DTD1: variants seen among roughly 807,000 people sequenced by gnomAD.
DTD1 encodes the protein D-tyrosyl-tRNA deacylase 1 homolog.
Under a neutral mutation model 25.6 loss-of-function variants are expected in DTD1, and 13 were observed. The ratio of observed to expected loss-of-function variants is 0.51; its 90% CI spans 0.33 to 0.81. The LOEUF (loss-of-function observed/expected upper bound fraction) is 0.81. DTD1 is among the 30% of genes least tolerant of loss of function. The probability of loss-of-function intolerance (pLI) is 0.02; values close to 1 mark genes in which losing one functional copy is unlikely to be tolerated. For synonymous variants in DTD1, 110 were observed against 103.6 expected, an observed-to-expected ratio of 1.06 and a Z score of -0.37; for missense variants, 193 against 266.4, an observed-to-expected ratio of 0.72 and a Z score of 1.92.
intron 2 of DTD1, among the ~76,000 whole-genome samples, chr20:18,595,656 A>G (rs2060607964): frequency 6.6e-6 from 1 of 152,212 alleles, no homozygotes; most frequent in Non-Finnish European, 1.5e-5. Context: ...ATGAAAAATT[A>G]CAATTGGACC....
chr20:18,655,063 G>A (rs772930748), intron 4 of DTD1, among the ~76,000 whole-genome samples: 1 of 152,046 alleles, frequency 6.6e-6, no homozygotes, highest in Admixed American at 6.5e-5. Flanking sequence ...GAGTGTTTTT[G>A]GTTATTAGAA....
At chr20:18,725,231 G>T (rs1264525284) in intron 4 of DTD1, among the ~76,000 whole-genome samples, 3 of 152,184 alleles carry the variant, frequency 2.0e-5, no homozygotes, top group Non-Finnish European at 4.4e-5. Flanking sequence ...GGGTCACCAG[G>T]TCATTAGCAT....
chr20:18,745,027 G>T (rs1398739993), intron 5 of DTD1, among the ~76,000 whole-genome samples: 1 of 152,186 alleles, frequency 6.6e-6, no homozygotes, highest in Admixed American at 6.5e-5. Flanking sequence ...GTGATTGCCT[G>T]TGCAGAACAC....
intron 2 of DTD1, 132 bp downstream of exon 2, chr20:18,593,953 T>C (rs1214562415): frequency 4.3e-6 from 3 of 702,226 alleles, no homozygotes; most frequent in Non-Finnish European, 7.7e-6. Context: ...GGATGTAGTA[T>C]GGTTATCTCC....
At position 18,601,023 on chromosome 20, in the gene DTD1, T is replaced by C. The variant is rs537283010; in HGVS notation, c.370+4782T>C. ...ATGTCATCTGCAAACAAAGACAGTT[T>C]TATTTTTCTTTTTATTTCTTGCCTT... On this transcript the variant is annotated intron_variant, in intron 3 of 5. Coordinates refer to ENST00000377452, the MANE Select transcript of DTD1 (RefSeq NM_080820.6). Among the ~76,000 whole-genome samples the C allele has an allele frequency of 7.2e-5, 11 of 152,306 alleles. 1 individual carries two copies. The Middle Eastern group carries it at 0.017, about 235-fold the overall frequency.
intron 4 of DTD1, 91 bp from the exon 5 acceptor site, chr20:18,744,009 A>G (rs573643080): frequency 2.1e-6 from 3 of 1,412,402 alleles, no homozygotes; most frequent in African/African-American, 1.4e-5. Flanking sequence ...AAACTTTTCA[A>G]TGGTTCCCAC....
intron 4 of DTD1, among the ~76,000 whole-genome samples, chr20:18,653,504 C>T (rs146455446): frequency 4.6e-5 from 7 of 152,156 alleles, no homozygotes; most frequent in Middle Eastern, 3.2e-3. Flanking sequence ...AATAAGAATA[C>T]TCTAAAAATT....
intron 4 of DTD1, among the ~76,000 whole-genome samples, chr20:18,655,173 G>T (rs1474736122): frequency 6.6e-6 from 1 of 152,204 alleles, no homozygotes; most frequent in Non-Finnish European, 1.5e-5. Flanking sequence ...AGGAAATGAG[G>T]TCTGGTGGGA....
At chr20:18,612,478 T>G (rs549187308) in intron 3 of DTD1, among the ~76,000 whole-genome samples, 1 of 152,202 alleles carries the variant, frequency 6.6e-6, no homozygotes, top group Non-Finnish European at 1.5e-5. Flanking sequence ...GAGGTGAGTA[T>G]GAGGATTACT....
intron 3 of DTD1, 55 bp from the exon 4 acceptor site, chr20:18,628,072 G>T: frequency 1.4e-6 from 2 of 1,428,804 alleles, no homozygotes; most frequent in South Asian, 1.2e-5. Flanking sequence ...GTGTGCTTTT[G>T]GATGGAGTAA....
In DTD1 at chr20:18,749,712, G is replaced by GTGCA. The variant is rs1204860688; in HGVS notation, c.*19+5442_*19+5445dup. Among the ~76,000 whole-genome samples, 1 of 152,188 alleles carries GTGCA rather than the reference G, an allele frequency of 6.6e-6. No homozygotes were observed. Among genetic ancestry groups the GTGCA allele is most frequent in the South Asian group, 2.1e-4 (1 of 4,830 alleles). ...TCAAGTAGCCCACCGTCCCTCAGTG[G>GTGCA]TGCAGTGTCAGGGCCCAGGTGCTGA... On this transcript the variant is annotated intron_variant, in intron 5 of 5. Transcript: ENST00000377452. The surrounding 1 kb of genome is among the most constrained non-coding windows in gnomAD (Gnocchi z 4.2).
intron 4 of DTD1, among the ~76,000 whole-genome samples, chr20:18,694,748 C>T (rs901520206): frequency 1.3e-5 from 2 of 152,092 alleles, no homozygotes; most frequent in Admixed American, 6.5e-5. Flanking sequence ...TTTTTATATA[C>T]AGGTCACAAA....
chr20:18,684,780 A>G (rs117902634), intron 4 of DTD1, among the ~76,000 whole-genome samples: 157 of 152,310 alleles, frequency 1.0e-3, no homozygotes, highest in South Asian at 3.5e-3. Context: ...TTTTCTTGTT[A>G]TAAGAATGAC....
chr20:18,714,612 C>A (rs2061172898), intron 4 of DTD1, among the ~76,000 whole-genome samples: 1 of 152,198 alleles, frequency 6.6e-6, no homozygotes, highest in African/African-American at 2.4e-5. Context: ...CAGACACTGT[C>A]TCCTGCAGTG....
At chr20:18,659,211 A>G (rs2060900200) in intron 4 of DTD1, among the ~76,000 whole-genome samples, 1 of 152,148 alleles carries the variant, frequency 6.6e-6, no homozygotes, top group African/African-American at 2.4e-5. Context: ...TCTTTCTGGG[A>G]CGTAGTCTGA....
At chr20:18,702,077 G>T (rs1300927243) in intron 4 of DTD1, among the ~76,000 whole-genome samples, 1 of 152,168 alleles carries the variant, frequency 6.6e-6, no homozygotes, top group East Asian at 1.9e-4. Context: ...TATTTAGAGA[G>T]TCTCTTATTC....
At chr20:18,598,266 A>C (rs1041562589) in intron 3 of DTD1, among the ~76,000 whole-genome samples, 6 of 151,896 alleles carry the variant, frequency 4.0e-5, no homozygotes, top group African/African-American at 1.5e-4. Context: ...GCTGAGAATG[A>C]TGGTTTCCAG....
At chr20:18,664,025 G>C (rs934237060) in intron 4 of DTD1, among the ~76,000 whole-genome samples, 12 of 152,184 alleles carry the variant, frequency 7.9e-5, no homozygotes, top group African/African-American at 2.9e-4. Context: ...GTACAGGTTT[G>C]TAGCCTAGGA....
At chr20:18,661,661 G>A (rs935872573) in intron 4 of DTD1, among the ~76,000 whole-genome samples, 5 of 152,106 alleles carry the variant, frequency 3.3e-5, no homozygotes, top group Non-Finnish European at 5.9e-5. Flanking sequence ...GTGAGCCACT[G>A]CACCCAGCTG....
Sources: gnomAD v4.1 joint callset for allele counts (sites outside exome capture counted in the v4.1 genomes callset) on GRCh38, gnomAD v4.1.1 for gene constraint, Gnocchi (gnomAD v3.1) non-coding constraint, MANE v1.5 for transcripts, NCBI Gene and HGNC (gene_info 2026-07-23, HGNC 2026-07-21) for gene names.